The following EXOC4 variants were observed in gnomAD, a reference collection of about 807,000 sequenced individuals.
EXOC4 encodes the protein SEC8-like 1.
A neutral mutation model predicts 107.2 loss-of-function variants in EXOC4; 71 were observed. The observed-to-expected ratio is 0.66, with a 90% CI of 0.55 to 0.81. The LOEUF (loss-of-function observed/expected upper bound fraction) is 0.81, where lower values mean the gene tolerates loss of function less well. EXOC4 is among the 30% of genes least tolerant of loss of function. The pLI is 0.00. For synonymous variants in EXOC4, 456 were observed against 441.2 expected, an observed-to-expected ratio of 1.03 and a Z score of -0.42; for missense variants, 1,108 against 1,189.6, an observed-to-expected ratio of 0.93 and a Z score of 1.01.
At chr7:133,327,121 C>G (rs1007353028) in intron 5 of EXOC4, among the ~76,000 whole-genome samples, 1 of 152,150 alleles carries the variant, frequency 6.6e-6, no homozygotes, top group Non-Finnish European at 1.5e-5. Flanking sequence ...CTTCCTTTGG[C>G]TAGGAAAGGG....
intron 17 of EXOC4, among the ~76,000 whole-genome samples, chr7:134,010,871 T>C (rs1056856189): frequency 4.6e-5 from 7 of 152,204 alleles, no homozygotes; most frequent in African/African-American, 1.7e-4. Context: ...TCCATTGATG[T>C]TGATTCTTCT....
chr7:133,646,336 G>T (rs904192257), intron 10 of EXOC4, among the ~76,000 whole-genome samples: 2 of 152,148 alleles, frequency 1.3e-5, no homozygotes, highest in African/African-American at 4.8e-5. Flanking sequence ...GGCCTCTGCT[G>T]ACACATTTGC....
chr7:133,949,722 A>C (rs988926969), intron 14 of EXOC4, among the ~76,000 whole-genome samples: 1 of 152,342 alleles, frequency 6.6e-6, no homozygotes, highest in East Asian at 1.9e-4. Context: ...CATGCCGGAC[A>C]GTCTCTGCAT....
At chr7:133,849,108 C>T (rs1218414079) in intron 11 of EXOC4, among the ~76,000 whole-genome samples, 2 of 152,138 alleles carry the variant, frequency 1.3e-5, no homozygotes, top group East Asian at 1.9e-4. Context: ...TTTCATCATA[C>T]GGATATAACA....
chr7:134,074,503 G>A, the EXOC4 span, among the ~76,000 whole-genome samples: 1 of 152,196 alleles, frequency 6.6e-6, no homozygotes, highest in Non-Finnish European at 1.5e-5. Flanking sequence ...ACCTGTTGTG[G>A]ATTCATAGAA....
chr7:133,321,358 T>A (rs536060838), intron 5 of EXOC4, among the ~76,000 whole-genome samples: 1 of 152,148 alleles, frequency 6.6e-6, no homozygotes, highest in East Asian at 1.9e-4. Flanking sequence ...CGTGCCATGG[T>A]TTGCTGCACC....
chr7:133,575,868 C>G (rs1259707386), intron 9 of EXOC4, among the ~76,000 whole-genome samples: 1 of 152,120 alleles, frequency 6.6e-6, no homozygotes, highest in Non-Finnish European at 1.5e-5. Flanking sequence ...TTGCATTCCT[C>G]AGTTCTGATT....
At chr7:133,568,637 G>A (rs1471790809) in intron 9 of EXOC4, among the ~76,000 whole-genome samples, 1 of 152,068 alleles carries the variant, frequency 6.6e-6, no homozygotes, top group Non-Finnish European at 1.5e-5. Flanking sequence ...AGGAAATTAG[G>A]TGGGTGTCCC....
chr7:134,018,154 A>G (rs998519474), intron 17 of EXOC4, among the ~76,000 whole-genome samples: 3 of 152,228 alleles, frequency 2.0e-5, no homozygotes, highest in Non-Finnish European at 2.9e-5. Context: ...GAAGGGTTGC[A>G]TTGTACTGAA....
chr7:133,445,511 G>C (rs1186983919), intron 7 of EXOC4, among the ~76,000 whole-genome samples: 1 of 152,178 alleles, frequency 6.6e-6, no homozygotes, highest in Non-Finnish European at 1.5e-5. Context: ...TACTTCAGTG[G>C]TTCTCAGCCT....
intron 14 of EXOC4, among the ~76,000 whole-genome samples, chr7:133,971,322 T>C (rs1163279121): frequency 8.9e-6 from 1 of 112,102 alleles, no homozygotes; most frequent in Non-Finnish European, 1.7e-5. Context: ...ATAAGAAATG[T>C]GGGGAAAATG....
chr7:133,253,164 G>T lies in EXOC4; in HGVS notation c.63G>T (p.Ser21=). The part of the protein sequence containing the change: ...RSTVSKSKDP[S]GLLISVIRTL... ...CAGTCAGCAAAAGCAAAGACCCCTC[G>T]GGGCTGCTCATCTCTGTGATCAGGT... Residue 21 remains serine, a synonymous_variant, in exon 1 of 18, where the codon TCG becomes TCT. Transcript: ENST00000253861. The T allele has an allele frequency of 6.2e-7, 1 of 1,614,148 alleles. No individual in the cohort carries two copies. Among genetic ancestry groups the T allele is most frequent in the South Asian group, 1.1e-5 (1 of 91,086 alleles).
At chr7:133,565,982 A>G (rs943929326) in intron 9 of EXOC4, among the ~76,000 whole-genome samples, 11 of 152,196 alleles carry the variant, frequency 7.2e-5, no homozygotes, top group African/African-American at 2.7e-4. Flanking sequence ...CAAGGCAACA[A>G]TGTTAGTGTC....
chr7:133,659,052 G>A (rs139337092), intron 10 of EXOC4, among the ~76,000 whole-genome samples: 38 of 123,256 alleles, frequency 3.1e-4, no homozygotes, highest in African/African-American at 1.2e-3. Context: ...AATGGGAAAA[G>A]GGGCTGGTTT....
rs752395469 is a variant in EXOC4, at chr7:133,756,440, T to TA, written c.1515-60884dup. ...TGTTGAGCTTGATCATCTGTAAGAT[T>TA]ATCTCAAAAGTCCTGTTAAGCTGTA... On this transcript the variant is annotated intron_variant, in intron 10 of 17. Transcript: ENST00000253861. Among the ~76,000 whole-genome samples, 33 of 152,346 alleles carry TA rather than the reference T, an allele frequency of 2.2e-4. No homozygotes were observed. In the East Asian group the frequency reaches 5.8e-3, roughly 27 times the overall value.
intron 9 of EXOC4, among the ~76,000 whole-genome samples, chr7:133,608,633 T>C (rs1478496811): frequency 7.0e-6 from 1 of 141,960 alleles, no homozygotes; most frequent in Admixed American, 7.4e-5. Flanking sequence ...TACTGCAGCC[T>C]CTTACTCCCT....
rs574489647 is a variant in EXOC4, at chr7:133,583,255, C to T, written c.1418-46790C>T. Among the ~76,000 whole-genome samples, 6 of 152,278 alleles carry T rather than the reference C, an allele frequency of 3.9e-5. No homozygotes were observed. In the East Asian group the frequency reaches 9.7e-4, roughly 25 times the overall value. On this transcript the variant is annotated intron_variant, in intron 9 of 17. Coordinates refer to ENST00000253861, the MANE Select transcript of EXOC4 (RefSeq NM_021807.4). ...ACTTGGATTTTAAACACTAGTCCTA[C>T]ACTCTAGCTTGTTCTTCTCACTTCC... is the stretch of plus-strand genomic sequence containing the variant.
chr7:133,255,023 G>A (rs1794982998), intron 1 of EXOC4, among the ~76,000 whole-genome samples: 1 of 151,630 alleles, frequency 6.6e-6, no homozygotes, highest in African/African-American at 2.4e-5. Context: ...TTCTCCAGGA[G>A]GAACCCCCTA....
chr7:133,773,186 G>A (rs1355279449), intron 10 of EXOC4, among the ~76,000 whole-genome samples: 2 of 151,930 alleles, frequency 1.3e-5, no homozygotes, highest in Admixed American at 1.3e-4. Flanking sequence ...GGGCCACCCA[G>A]TACATTTGTT....
Sources: allele counts gnomAD v4.1 joint callset (sites outside exome capture counted in the v4.1 genomes callset), GRCh38; gene constraint gnomAD v4.1.1; transcripts MANE v1.5; gene names NCBI Gene and HGNC (gene_info 2026-07-23, HGNC 2026-07-21).